The following SPAG16 variants were observed in gnomAD, a reference collection of about 807,000 sequenced individuals.
SPAG16 encodes sperm-associated antigen 16 protein.
In SPAG16, 86 loss-of-function variants were observed where a neutral mutation model predicts 80.4. The observed-to-expected ratio is 1.07, with a 90% CI of 0.90 to 1.28. SPAG16 has a LOEUF of 1.28. Ranked by LOEUF, SPAG16 falls within the 50% of genes most tolerant of loss-of-function variation. The pLI, the probability that SPAG16 is intolerant of heterozygous loss-of-function variation, is 0.00. For missense variants in SPAG16, 870 were observed against 765.3 expected, an observed-to-expected ratio of 1.14 and a Z score of -1.61; for synonymous variants, 294 against 265.9, an observed-to-expected ratio of 1.11 and a Z score of -1.03.
intron 13 of SPAG16, among the ~76,000 whole-genome samples, chr2:214,095,271 C>G (rs913289518): frequency 6.6e-6 from 1 of 151,996 alleles, no homozygotes; most frequent in Non-Finnish European, 1.5e-5. Context: ...TTCCCTAGCT[C>G]ATCACATATA....
At chr2:213,326,768 C>A (rs1362850168) in intron 5 of SPAG16, among the ~76,000 whole-genome samples, 1 of 151,752 alleles carries the variant, frequency 6.6e-6, no homozygotes, top group African/African-American at 2.4e-5. Flanking sequence ...CTTTACTTTG[C>A]CAAATTATAA....
chr2:213,867,188 A>G (rs2372298), intron 11 of SPAG16, among the ~76,000 whole-genome samples: 90,410 of 152,072 alleles, frequency 0.59, 28,757 homozygotes, highest in South Asian at 0.85. Context: ...CCACTAGATT[A>G]AGGTCATATA....
chr2:213,539,927 T>C (rs946299331), intron 10 of SPAG16, among the ~76,000 whole-genome samples: 4 of 152,124 alleles, frequency 2.6e-5, no homozygotes, highest in African/African-American at 9.7e-5. Flanking sequence ...TGTACTGACA[T>C]ATTTTGTGTG....
chr2:213,538,286 T>C (rs890030602), intron 10 of SPAG16, among the ~76,000 whole-genome samples: 11 of 152,126 alleles, frequency 7.2e-5, no homozygotes, highest in Non-Finnish European at 1.6e-4. Context: ...TTAAATTCCT[T>C]TGGTCATTTC....
chr2:213,844,982 C>A (rs989948606), intron 10 of SPAG16, among the ~76,000 whole-genome samples: 4 of 152,164 alleles, frequency 2.6e-5, no homozygotes, highest in Non-Finnish European at 2.9e-5. Context: ...CAACATTTTT[C>A]ACAATGCATA....
intron 15 of SPAG16, among the ~76,000 whole-genome samples, chr2:214,250,591 T>G (rs1210146808): frequency 1.4e-5 from 2 of 148,056 alleles, no homozygotes; most frequent in African/African-American, 4.9e-5. Context: ...CTTTTAAATT[T>G]GCAATATAAA....
At chr2:213,911,867 C>T (rs1046048046) in intron 11 of SPAG16, among the ~76,000 whole-genome samples, 8 of 146,728 alleles carry the variant, frequency 5.5e-5, no homozygotes, top group Admixed American at 2.0e-4. Flanking sequence ...CACACGCACA[C>T]ATATATGTAT....
chr2:213,877,020 A>C (rs1440447440), intron 11 of SPAG16, among the ~76,000 whole-genome samples: 1 of 152,210 alleles, frequency 6.6e-6, no homozygotes, highest in South Asian at 2.1e-4. Context: ...TATATAGTTA[A>C]GTCTTTTCAA....
At chr2:213,507,736 A>AT (rs1315750423) in intron 10 of SPAG16, among the ~76,000 whole-genome samples, 1 of 152,176 alleles carries the variant, frequency 6.6e-6, no homozygotes, top group African/African-American at 2.4e-5. Flanking sequence ...GATGGGGCTA[A>AT]TTTGTTGACA....
At chr2:213,473,077 A>G (rs189431774) in intron 9 of SPAG16, among the ~76,000 whole-genome samples, 1 of 152,100 alleles carries the variant, frequency 6.6e-6, no homozygotes, top group Non-Finnish European at 1.5e-5. Flanking sequence ...TTATAATTCA[A>G]ATTCATCTTT....
At chr2:213,378,552 G>A (rs1242328142) in intron 9 of SPAG16, among the ~76,000 whole-genome samples, 1 of 152,140 alleles carries the variant, frequency 6.6e-6, no homozygotes, top group Non-Finnish European at 1.5e-5. Context: ...CACATGATAA[G>A]GGAAAAAGGA....
intron 15 of SPAG16, among the ~76,000 whole-genome samples, chr2:214,247,861 G>C (rs1220421194): frequency 6.6e-6 from 1 of 151,956 alleles, no homozygotes; most frequent in East Asian, 1.9e-4. Context: ...GTGAGACCCT[G>C]TCTCTACAAA....
rs930388081 is a variant in SPAG16 at position 213,644,767 on chromosome 2, T to G, written c.1070+154677T>G. ...GTAGTTGGAGTAACATAAGCACCAC[T>G]GTGGCTGCCACCACTATGATGGTAC... On this transcript the variant is annotated intron_variant, in intron 10 of 15. Coordinates refer to ENST00000331683, the MANE Select transcript of SPAG16 (RefSeq NM_024532.5). Among the ~76,000 whole-genome samples, 4 of 152,240 alleles carry G rather than the reference T, an allele frequency of 2.6e-5. No individual in the cohort carries two copies. In the East Asian group the frequency reaches 7.7e-4, roughly 29 times the overall value.
At chr2:213,690,943 A>G (rs1304150789) in intron 10 of SPAG16, among the ~76,000 whole-genome samples, 1 of 152,170 alleles carries the variant, frequency 6.6e-6, no homozygotes, top group Non-Finnish European at 1.5e-5. Context: ...GCTTGCATAT[A>G]GATAGATACA....
chr2:213,928,764 C>A (rs1371956896), intron 11 of SPAG16, among the ~76,000 whole-genome samples: 2 of 152,130 alleles, frequency 1.3e-5, no homozygotes, highest in Non-Finnish European at 2.9e-5. Flanking sequence ...ATAAAACAGT[C>A]TGGCAGGGAG....
At chr2:214,257,928 T>G (rs527779190) in intron 15 of SPAG16, among the ~76,000 whole-genome samples, 12 of 152,230 alleles carry the variant, frequency 7.9e-5, no homozygotes, top group Non-Finnish European at 4.4e-5. Flanking sequence ...TGAAACCATA[T>G]GGGCGTATAG....
intron 12 of SPAG16, among the ~76,000 whole-genome samples, chr2:213,945,023 G>C (rs1333970193): frequency 1.3e-5 from 2 of 151,920 alleles, no homozygotes; most frequent in African/African-American, 2.4e-5. Context: ...AGGCAACAGA[G>C]CAAAATTCCA....
chr2:214,165,797 C>T (rs1310545680), intron 15 of SPAG16, among the ~76,000 whole-genome samples: 1 of 151,954 alleles, frequency 6.6e-6, no homozygotes, highest in Non-Finnish European at 1.5e-5. Flanking sequence ...TACTGCTCCA[C>T]TATTTTCATT....
intron 13 of SPAG16, among the ~76,000 whole-genome samples, chr2:214,088,566 G>A (rs893664080): frequency 6.6e-6 from 1 of 151,992 alleles, no homozygotes; most frequent in African/African-American, 2.4e-5. Context: ...AAAGGCCAGG[G>A]CACAACAAAG....
Sources: gnomAD v4.1 joint callset for allele counts (sites outside exome capture counted in the v4.1 genomes callset) on GRCh38, gnomAD v4.1.1 for gene constraint, MANE v1.5 for transcripts, NCBI Gene and HGNC (gene_info 2026-07-23, HGNC 2026-07-21) for gene names.